The following PASK variants were observed in gnomAD, a reference collection of about 807,000 sequenced individuals.
PASK encodes PAS domain containing serine/threonine kinase, also known as PAS domain-containing serine/threonine-protein kinase.
In PASK, 110 loss-of-function variants were observed where a neutral mutation model predicts 121.0. That is an observed-to-expected ratio of 0.91 (90% confidence interval 0.78 to 1.06). The LOEUF (loss-of-function observed/expected upper bound fraction) is 1.06, where lower values mean the gene tolerates loss of function less well. Among genes scored for constraint, PASK ranks in the 50% least tolerant of loss-of-function variants. PASK has a pLI of 0.00. For missense variants in PASK, 1,643 were observed against 1,702.3 expected, an observed-to-expected ratio of 0.97 and a Z score of 0.61; for synonymous variants, 686 against 717.8, an observed-to-expected ratio of 0.96 and a Z score of 0.71.
intron 14 of PASK, chr2:241,114,692 G>C: frequency 7.7e-7 from 1 of 1,298,788 alleles, no homozygotes; most frequent in Non-Finnish European, 9.8e-7. Context: ...AGGCCGCTGT[G>C]CCGCACACAT....
intron 17 of PASK, among the ~76,000 whole-genome samples, chr2:241,106,974 C>G (rs10208368): frequency 0.23 from 35,610 of 152,080 alleles, 6,516 homozygotes; most frequent in African/African-American, 0.49. Context: ...GAAGAGCCCT[C>G]GGCCCCGCCG....
Position 241,139,575 on chromosome 2 carries a change from C to T in PASK, c.600+310G>A, listed in dbSNP as rs115550451. 7.6e-3 allele frequency: 4,712 copies of T among 619,006 alleles called. 23 individuals carry two copies. The highest frequency in any genetic ancestry group is 0.011 in the Middle Eastern group (41 of 3,870). 38.3% of individuals were successfully genotyped at this position (619,006 alleles called of 1,614,324 possible). ...ACTCTTGAGCATCTGATGTGCTGCCCGGCAGGACTGCAAAACATTAGTGAA... is the reference window on the plus strand; with the variant it reads ...ACTCTTGAGCATCTGATGTGCTGCCTGGCAGGACTGCAAAACATTAGTGAA... On this transcript the variant is annotated intron_variant, in intron 4 of 17. Transcript: ENST00000234040.
Position 241,140,603 on chromosome 2 carries a change from G to A in PASK, c.347C>T (p.Ser116Leu). ...SCCSLLRGLS[S>L]GWSSPLLPAP... is the part of the protein sequence containing the mutation. ...CGGAAGCAGAGGTGAGGACCACCCTGAGGACAGTCCCCGCAGCAGGGAGCA... is the reference window on the plus strand; with the variant it reads ...CGGAAGCAGAGGTGAGGACCACCCTAAGGACAGTCCCCGCAGCAGGGAGCA... The change falls in exon 3 of 18, where the codon TCA (serine) becomes TTA (leucine). Residue 116 changes from serine (S) to leucine (L), a missense_variant. Ser to Leu is a moderately radical substitution (Grantham distance 145). Around this residue, in one of 3 missense-constraint regions of PASK, gnomAD observed 1,176 missense variants for 1,162.2 expected, o/e 1.01. Transcript: ENST00000234040. The A allele has an allele frequency of 6.2e-7, 1 of 1,614,162 alleles. No homozygotes were observed. The highest frequency in any genetic ancestry group is 8.5e-7 in the Non-Finnish European group (1 of 1,180,014).
rs1009108060 is a variant in PASK at position 241,112,668 on chromosome 2, T to A, written c.3334-229A>T. 14 of 511,758 alleles carry A rather than the reference T, an allele frequency of 2.7e-5. No homozygotes were observed. Among genetic ancestry groups the A allele is most frequent in the Non-Finnish European group, 7.0e-6 (2 of 284,758 alleles). 31.7% of individuals were successfully genotyped at this position (511,758 alleles called of 1,614,324 possible). ...GGGATGGCCACGTTAGCCGGCAAGG[T>A]GGCAACATCAATGAGACTCGTGAGT... On this transcript the variant is annotated intron_variant, in intron 14 of 17. Transcript: ENST00000234040. This position sits in a 1 kb window ranked among gnomAD's most constrained non-coding sequence, Gnocchi z 5.2.
At chr2:241,125,957 G>T (rs2065839822) in intron 10 of PASK, among the ~76,000 whole-genome samples, 2 of 152,178 alleles carry the variant, frequency 1.3e-5, no homozygotes, top group South Asian at 4.1e-4. Context: ...GGCACAGCTG[G>T]AACTGACGGG....
chr2:241,116,524 T>C (rs2065376741), intron 12 of PASK, among the ~76,000 whole-genome samples: 1 of 152,132 alleles, frequency 6.6e-6, no homozygotes, highest in Non-Finnish European at 1.5e-5. Context: ...GCCAAGAGAA[T>C]AAACGAAGAA....
chr2:241,127,115 C>T lies in PASK; in HGVS notation c.1800G>A (p.Gln600=). 2 of 1,614,094 alleles carry T rather than the reference C, an allele frequency of 1.2e-6. No individual in the cohort carries two copies. Among genetic ancestry groups the T allele is most frequent in the South Asian group, 2.2e-5 (2 of 91,078 alleles). The change falls in exon 10 of 18, where the codon CAG becomes CAA. Residue 600 remains glutamine, a synonymous_variant. Coordinates refer to ENST00000234040, the MANE Select transcript of PASK (RefSeq NM_015148.4). The part of the protein sequence containing the change: ...AAVAKPQAKG[Q]LAGGSLLMHC... ...GCATCAGGAGGCTGCCCCCCGCCAG[C>T]TGACCCTTGGCCTGGGGCTTGGCCA...
At chr2:241,139,079 C>T (rs970627161) in intron 4 of PASK, among the ~76,000 whole-genome samples, 1 of 152,204 alleles carries the variant, frequency 6.6e-6, no homozygotes, top group African/African-American at 2.4e-5. Flanking sequence ...AAGAAACAGA[C>T]ACCAACACAT....
At chr2:241,116,074 G>A (rs1467787816) in intron 12 of PASK, among the ~76,000 whole-genome samples, 1 of 134,530 alleles carries the variant, frequency 7.4e-6, no homozygotes, top group Non-Finnish European at 1.5e-5. Flanking sequence ...GAGACACCCA[G>A]TCCTCCAGCA....
At chr2:241,115,015 C>G (rs777473713) in intron 14 of PASK, 28 bp downstream of exon 14, 1 of 1,614,008 alleles carries the variant, frequency 6.2e-7, no homozygotes, top group East Asian at 2.2e-5. Flanking sequence ...CCTGCGTTCA[C>G]ACTAACACGG....
At chr2:241,142,476 A>C (rs1038289780) in intron 2 of PASK, among the ~76,000 whole-genome samples, 1 of 152,260 alleles carries the variant, frequency 6.6e-6, no homozygotes, top group African/African-American at 2.4e-5. Context: ...TTAGCTCAGT[A>C]AACTGCACGA....
intron 1 of PASK, among the ~76,000 whole-genome samples, chr2:241,144,990 T>G (rs892169820): frequency 2.6e-5 from 4 of 152,234 alleles, no homozygotes; most frequent in African/African-American, 9.6e-5. Flanking sequence ...TTCGGCTCAC[T>G]GCAACCTCCG....
chr2:241,126,299 G>A lies in PASK; in HGVS notation c.2616C>T (p.Thr872=). The A allele has an allele frequency of 6.2e-7, 1 of 1,614,220 alleles. No homozygotes were observed. The highest frequency in any genetic ancestry group is 8.5e-7 in the Non-Finnish European group (1 of 1,180,034). ...CGCGCATCACGATCACGGGCGTGGA[G>A]GTGACCTGGACGTTCAGCCTTGGCT... ...AEEPRLNVQV[T]STPVIVMRGA... is the part of the protein sequence containing the mutation. The change falls in exon 10 of 18, where the codon ACC becomes ACT. Residue 872 remains threonine, a synonymous_variant. Transcript: ENST00000234040.
intron 12 of PASK, among the ~76,000 whole-genome samples, chr2:241,120,274 C>T (rs1037637811): frequency 2.0e-5 from 3 of 152,112 alleles, no homozygotes; most frequent in African/African-American, 7.2e-5. Context: ...GGGTAGATAA[C>T]CTGAGGTCAG....
intron 2 of PASK, 57 bp downstream of exon 2, chr2:241,142,780 G>A (rs2066763951): frequency 1.0e-5 from 13 of 1,279,126 alleles, no homozygotes; most frequent in African/African-American, 2.9e-5. Context: ...AGAACACAGA[G>A]CAACTCCACA....
At position 241,106,637 on chromosome 2, in the gene PASK, G is replaced by A; in HGVS notation, c.3901C>T (p.Pro1301Ser). 1 of 1,614,186 alleles carries A rather than the reference G, an allele frequency of 6.2e-7. No individual in the cohort carries two copies. Among genetic ancestry groups the A allele is most frequent in the Non-Finnish European group, 8.5e-7 (1 of 1,180,024 alleles). The change falls in exon 18 of 18, where the codon CCC becomes TCC. Residue 1301 changes from proline to serine, a missense_variant. Transcript: ENST00000234040. ...CCATTAGGAGCCTCGCCTGGAACGG[G>A]GCCCCCACAAAGCTCCTGAGCCTGG... ...VAQAQELCGG[P>S]VPGEAPNGQG...
chr2:241,134,196 A>ATCCCC (rs1050004923), intron 8 of PASK: 11 of 152,294 alleles, frequency 7.2e-5, no homozygotes, highest in African/African-American at 2.6e-4. Flanking sequence ...CAGAAATGTG[A>ATCCCC]TCCCCTCCCC....
upstream of PASK, chr2:241,150,221 G>C: frequency 7.8e-7 from 1 of 1,280,878 alleles, no homozygotes; most frequent in Non-Finnish European, 9.8e-7. Context: ...CTACGGCTCT[G>C]TGCGTCCCGC....
At chr2:241,147,547 G>A (rs2067009709) in intron 1 of PASK, among the ~76,000 whole-genome samples, 1 of 152,170 alleles carries the variant, frequency 6.6e-6, no homozygotes, top group South Asian at 2.1e-4. Context: ...CTTCAGCCCA[G>A]GAGGCGGAGG....
Sources: allele counts gnomAD v4.1 joint callset (sites outside exome capture counted in the v4.1 genomes callset), GRCh38; gene constraint gnomAD v4.1.1; regional missense constraint gnomAD v4.1.1; non-coding constraint Gnocchi (gnomAD v3.1); transcripts MANE v1.5; gene names NCBI Gene and HGNC (gene_info 2026-07-23, HGNC 2026-07-21).